The following MCF2 variants were observed in gnomAD, a reference collection of about 807,000 sequenced individuals.
MCF2 encodes MCF.2 cell line derived transforming sequence, also known as proto-oncogene DBL.
In MCF2, 44 loss-of-function variants were observed where a neutral mutation model predicts 82.5. That is an observed-to-expected ratio of 0.53 (90% CI 0.42 to 0.69). The LOEUF (loss-of-function observed/expected upper bound fraction) is 0.69, where lower values mean the gene tolerates loss of function less well. Among genes scored for constraint, MCF2 ranks in the 30% least tolerant of loss-of-function variants. The pLI is 0.00. For missense variants in MCF2, 623 were observed against 663.1 expected (o/e 0.94, Z 0.66); for synonymous variants, 217 against 224.9 (o/e 0.96, Z 0.32).
At chrX:139,660,297 G>A (rs886959757) in intron 1 of MCF2, among the ~76,000 whole-genome samples, 2 of 111,421 alleles carry the variant, frequency 1.8e-5, no homozygotes, top group African/African-American at 6.5e-5. Context: ...TTCCAGGATG[G>A]GTTTCATCCC....
chrX:139,607,202 A>G (rs978969989), intron 12 of MCF2: 1 of 111,329 alleles, frequency 9.0e-6, no homozygotes, highest in Non-Finnish European at 1.9e-5. Context: ...CTAACTTGAT[A>G]TGGTAATCAT....
chrX:139,608,955 C>T (rs190686164), intron 11 of MCF2, among the ~76,000 whole-genome samples: 1,395 of 111,783 alleles, frequency 0.012, 55 homozygotes, highest in Admixed American at 0.11. Context: ...CACTAGGCTG[C>T]TATTAATTAT....
Position 139,692,979 on chromosome X carries a change from G to C in MCF2, c.-45+15127C>G, listed in dbSNP as rs183481494. Among the ~76,000 whole-genome samples the C allele has an allele frequency of 2.3e-4, 26 of 112,219 alleles. No homozygotes were observed. The East Asian group carries it at 6.8e-3, about 29-fold the overall frequency. ...GCCATGGGCATGGGAGACTTGACAC[G>C]CTTTAGAGAGGACACGAGAAAACGG... On this transcript the variant is annotated intron_variant, in intron 1 of 27. Coordinates refer to the MCF2 transcript ENST00000414978.
At chrX:139,624,197 G>GAGAAGATGT (rs1310285621) in intron 6 of MCF2, among the ~76,000 whole-genome samples, 1 of 111,320 alleles carries the variant, frequency 9.0e-6, no homozygotes, top group Non-Finnish European at 1.9e-5. Flanking sequence ...ATAGAATCAT[G>GAGAAGATGT]AGAAGATGTC....
chrX:139,611,185 C>G (rs978294723), intron 10 of MCF2, among the ~76,000 whole-genome samples: 4 of 111,573 alleles, frequency 3.6e-5, no homozygotes, highest in African/African-American at 1.3e-4. Context: ...ACTCCTCTCT[C>G]CAGGAAAGGA....
chrX:139,684,933 C>T (rs757838432), intron 1 of MCF2, among the ~76,000 whole-genome samples: 4 of 111,638 alleles, frequency 3.6e-5, no homozygotes, highest in South Asian at 3.8e-4. Flanking sequence ...TGTGATTATA[C>T]TAAAAACCAT....
chrX:139,606,794 T>C (rs1429369746), intron 12 of MCF2, among the ~76,000 whole-genome samples: 1 of 111,641 alleles, frequency 9.0e-6, no homozygotes. Flanking sequence ...ATTTAACTTA[T>C]ACTTTTGGCT....
At chrX:139,651,083 C>G (rs1437580507) in intron 2 of MCF2, among the ~76,000 whole-genome samples, 1 of 110,114 alleles carries the variant, frequency 9.1e-6, no homozygotes, top group African/African-American at 3.4e-5. Context: ...TTCAATTTTG[C>G]AAGACCTGAA....
intron 10 of MCF2, among the ~76,000 whole-genome samples, chrX:139,612,947 G>A (rs775626880): frequency 1.8e-5 from 2 of 111,704 alleles, no homozygotes; most frequent in African/African-American, 6.5e-5. Context: ...TTTTAGCATC[G>A]CCAATTGTTT....
chrX:139,642,650 T>C, exon 1 of MCF2: 1 of 1,174,318 alleles, frequency 8.5e-7, no homozygotes, highest in Non-Finnish European at 1.1e-6. Context: ...CGTGGCTGCT[T>C]CCATTAGCAC....
intron 1 of MCF2, among the ~76,000 whole-genome samples, chrX:139,653,239 G>C (rs1312820079): frequency 8.9e-6 from 1 of 111,879 alleles, no homozygotes; most frequent in Non-Finnish European, 1.9e-5. Context: ...GTGAGAATGA[G>C]GGTAATGCAA....
At position 139,688,033 on chromosome X, in the gene MCF2, A is replaced by G. The variant is rs1935169829; in HGVS notation, c.-45+20073T>C. 4.5e-5 allele frequency among the ~76,000 whole-genome samples: 5 copies of G among 111,834 alleles called. No individual in the cohort carries two copies. The South Asian group carries it at 1.5e-3, about 34-fold the overall frequency. The stretch of plus-strand genomic sequence containing the variant: ...AGGAGGGGGCATGGAGGATTAGGCA[A>G]TAACAACTGGCCAGTAGAAACAGTT... On this transcript the variant is annotated intron_variant, in intron 1 of 27. Coordinates refer to the MCF2 transcript ENST00000414978.
chrX:139,609,058 T>C (rs1280494555), intron 11 of MCF2, among the ~76,000 whole-genome samples: 3 of 112,488 alleles, frequency 2.7e-5, no homozygotes, highest in Non-Finnish European at 5.6e-5. Flanking sequence ...ATGAGAGTGT[T>C]CTATTTTTAT....
chrX:139,621,956 G>A (rs1292190051), intron 6 of MCF2, among the ~76,000 whole-genome samples: 1 of 111,054 alleles, frequency 9.0e-6, no homozygotes, highest in East Asian at 2.8e-4. Context: ...TACAGAATGG[G>A]AGAAAATTTT....
chrX:139,666,837 CTGATAATTCATAT>C (rs752022403), intron 1 of MCF2, among the ~76,000 whole-genome samples: 1 of 111,804 alleles, frequency 8.9e-6, no homozygotes, highest in Non-Finnish European at 1.9e-5. Context: ...CTCAGGGATA[CTGATAATTCATAT>C]GTTCAGTAGC....
At chrX:139,639,207 AT>A (rs1256827157) in intron 1 of MCF2, among the ~76,000 whole-genome samples, 5 of 112,035 alleles carry the variant, frequency 4.5e-5, no homozygotes, top group Non-Finnish European at 7.5e-5. Context: ...AAAAACTGAG[AT>A]TTTGAAAGTA....
At chrX:139,642,022 T>C (rs949433939) in intron 1 of MCF2, among the ~76,000 whole-genome samples, 1 of 111,497 alleles carries the variant, frequency 9.0e-6, no homozygotes, top group Non-Finnish European at 1.9e-5. Flanking sequence ...ACTTATACGG[T>C]AACACCCAGG....
chrX:139,613,272 G>A lies in MCF2; in HGVS notation c.1363+1609C>T. Reference sequence around the variant, plus strand: ...AGAGTATCCAACTCCCACTGCAGAAGGAAATTGTAACGCCATTAAATAAGA... The same window carrying A: ...AGAGTATCCAACTCCCACTGCAGAAAGAAATTGTAACGCCATTAAATAAGA... On this transcript the variant is annotated intron_variant, in intron 10 of 24. Coordinates refer to ENST00000370576, the Ensembl canonical transcript of MCF2. The A allele has an allele frequency of 1.8e-6, 2 of 1,134,738 alleles. No individual in the cohort carries two copies. The highest frequency in any genetic ancestry group is 2.4e-6 in the Non-Finnish European group (2 of 848,495). 93.5% of individuals were successfully genotyped at this position (1,134,738 alleles called of 1,213,427 possible).
chrX:139,621,629 A>G (rs1375087585), intron 6 of MCF2, among the ~76,000 whole-genome samples: 1 of 111,779 alleles, frequency 8.9e-6, no homozygotes, highest in Non-Finnish European at 1.9e-5. Context: ...GAAATGGGGA[A>G]AGGATTCCCT....
Sources: allele counts gnomAD v4.1 joint callset (sites outside exome capture counted in the v4.1 genomes callset), GRCh38; gene constraint gnomAD v4.1.1; transcripts MANE v1.5; gene names NCBI Gene and HGNC (gene_info 2026-07-23, HGNC 2026-07-21).